TAFA2: variants seen among roughly 807,000 people sequenced by gnomAD.
TAFA2 encodes the protein TAFA chemokine like family member 2, also known as chemokine-like protein TAFA-2.
In TAFA2, 7 loss-of-function variants were observed where a neutral mutation model predicts 18.8. That is an observed-to-expected ratio of 0.37 (90% CI 0.21 to 0.70). The LOEUF (loss-of-function observed/expected upper bound fraction) is 0.70. TAFA2 is among the 30% of genes least tolerant of loss of function. The pLI is 0.53. For missense variants in TAFA2, 122 were observed against 158.1 expected, an observed-to-expected ratio of 0.77 and a Z score of 1.23; for synonymous variants, 60 against 54.2, an observed-to-expected ratio of 1.11 and a Z score of -0.47.
chr12:61,889,612 T>A (rs2121293042), intron 1 of TAFA2, among the ~76,000 whole-genome samples: 1 of 152,306 alleles, frequency 6.6e-6, no homozygotes, highest in African/African-American at 2.4e-5. Flanking sequence ...CTTGCCAAAA[T>A]CAGCAAACTT....
intron 1 of TAFA2, among the ~76,000 whole-genome samples, chr12:62,007,910 C>T (rs898603941): frequency 8.1e-5 from 10 of 123,354 alleles, no homozygotes; most frequent in African/African-American, 3.0e-4. Flanking sequence ...GTCAAGCCTA[C>T]TGTCCAAAAG....
intron 1 of TAFA2, chr12:61,878,206 T>C: frequency 2.4e-6 from 1 of 409,342 alleles, no homozygotes; most frequent in South Asian, 1.8e-5. Flanking sequence ...AGGATGACTT[T>C]TAAAAGAGTT....
At chr12:61,750,829 A>G (rs1868977541) in intron 4 of TAFA2, among the ~76,000 whole-genome samples, 1 of 152,124 alleles carries the variant, frequency 6.6e-6, no homozygotes, top group South Asian at 2.1e-4. Flanking sequence ...AGACCAACAT[A>G]TCTTGCATAA....
At chr12:61,964,847 T>C (rs1879014502) in intron 1 of TAFA2, among the ~76,000 whole-genome samples, 1 of 151,912 alleles carries the variant, frequency 6.6e-6, no homozygotes, top group African/African-American at 2.4e-5. Flanking sequence ...ATGTGAAGCC[T>C]TTTCTAATTT....
chr12:62,105,600 CA>C (rs960632917), intron 1 of TAFA2, among the ~76,000 whole-genome samples: 22 of 152,112 alleles, frequency 1.4e-4, no homozygotes, highest in African/African-American at 4.8e-4. Context: ...GTCAACTTAC[CA>C]AAATTTCAAA....
chr12:62,103,332 T>A (rs977837551), intron 1 of TAFA2, among the ~76,000 whole-genome samples: 5 of 152,164 alleles, frequency 3.3e-5, no homozygotes, highest in African/African-American at 1.2e-4. Context: ...CATCCTAAGG[T>A]CAAAATCACA....
rs1250133646 is a variant in TAFA2 at position 62,068,121 on chromosome 12, T to TA, written c.-2+123137dup. ...CAAAAAAAAAATTAAATAAAAATTT[T>TA]AAAAAAAGCTTATTTACCTTCCTCA... On this transcript the variant is annotated intron_variant, in intron 1 of 4. Transcript: ENST00000416284. 6.6e-5 allele frequency among the ~76,000 whole-genome samples: 10 copies of TA among 152,150 alleles called. No individual in the cohort carries two copies. In the East Asian group the frequency reaches 1.9e-3, roughly 29 times the overall value.
intron 1 of TAFA2, among the ~76,000 whole-genome samples, chr12:62,130,750 G>C (rs941343616): frequency 2.6e-5 from 4 of 151,914 alleles, no homozygotes; most frequent in Non-Finnish European, 5.9e-5. Flanking sequence ...ACCCATATTT[G>C]ATCTGTTTTA....
chr12:62,242,363 A>C (rs977084970), intron 1 of TAFA2: 1 of 152,032 alleles, frequency 6.6e-6, no homozygotes, highest in Non-Finnish European at 1.5e-5. Context: ...ATAGAAGATA[A>C]AAGTATAGTT....
intron 1 of TAFA2, among the ~76,000 whole-genome samples, chr12:62,159,940 C>T (rs961632010): frequency 1.4e-4 from 22 of 152,282 alleles, no homozygotes; most frequent in African/African-American, 5.3e-4. Context: ...CCATGATATG[C>T]GTGTTTCTGC....
intron 1 of TAFA2, among the ~76,000 whole-genome samples, chr12:62,088,422 A>G (rs1194452291): frequency 6.6e-6 from 1 of 152,050 alleles, no homozygotes; most frequent in African/African-American, 2.4e-5. Flanking sequence ...CACGTACAGG[A>G]GTAGCTCTTA....
intron 2 of TAFA2, among the ~76,000 whole-genome samples, chr12:61,778,952 A>G (rs1349514279): frequency 1.3e-5 from 2 of 151,872 alleles, no homozygotes; most frequent in African/African-American, 4.8e-5. Flanking sequence ...CTTGCTTAAA[A>G]TGTGCCCTGT....
At chr12:62,014,232 C>A (rs1373612798) in intron 1 of TAFA2, among the ~76,000 whole-genome samples, 1 of 152,154 alleles carries the variant, frequency 6.6e-6, no homozygotes, top group South Asian at 2.1e-4. Context: ...ATTAGTGGAC[C>A]AACTTTGGCA....
chr12:62,062,875 C>T (rs1399605079), intron 1 of TAFA2, among the ~76,000 whole-genome samples: 1 of 152,164 alleles, frequency 6.6e-6, no homozygotes, highest in Non-Finnish European at 1.5e-5. Flanking sequence ...CACCGCATTC[C>T]TTGGCTCATG....
chr12:61,812,728 C>A (rs1250068745), intron 2 of TAFA2, among the ~76,000 whole-genome samples: 1 of 150,864 alleles, frequency 6.6e-6, no homozygotes, highest in African/African-American at 2.5e-5. Context: ...CCCTGCCACG[C>A]CCGGATAACT....
intron 1 of TAFA2, among the ~76,000 whole-genome samples, chr12:61,901,964 C>A (rs1473375148): frequency 2.0e-5 from 3 of 152,026 alleles, no homozygotes; most frequent in African/African-American, 4.8e-5. Context: ...TAACTTCTAT[C>A]AAACACAGTT....
intron 1 of TAFA2, chr12:62,258,750 G>C (rs1249913562): frequency 2.7e-6 from 1 of 371,908 alleles, no homozygotes; most frequent in Non-Finnish European, 5.4e-6. Context: ...GTTGAAGTGA[G>C]GTTTGAACTT....
At chr12:61,735,287 T>C (rs953034777) in intron 4 of TAFA2, among the ~76,000 whole-genome samples, 9 of 152,084 alleles carry the variant, frequency 5.9e-5, no homozygotes, top group African/African-American at 2.2e-4. Flanking sequence ...TTTTTCTTAA[T>C]TCTTATAGTT....
chr12:62,059,135 GTA>G (rs1270538528), intron 1 of TAFA2, among the ~76,000 whole-genome samples: 8 of 122,482 alleles, frequency 6.5e-5, no homozygotes, highest in African/African-American at 1.6e-4. Flanking sequence ...ATATATGTGT[GTA>G]TATGTGTGTG....
Sources: gnomAD v4.1 joint callset for allele counts (sites outside exome capture counted in the v4.1 genomes callset) on GRCh38, gnomAD v4.1.1 for gene constraint, MANE v1.5 for transcripts, NCBI Gene and HGNC (gene_info 2026-07-23, HGNC 2026-07-21) for gene names.